BUB1: variants seen among roughly 807,000 people sequenced by gnomAD.
The protein encoded by BUB1 is mitotic checkpoint serine/threonine-protein kinase BUB1.
A neutral mutation model predicts 135.2 loss-of-function variants in BUB1; 84 were observed. That is an observed-to-expected ratio of 0.62 (90% CI 0.52 to 0.74). The LOEUF (loss-of-function observed/expected upper bound fraction) is 0.74. Among genes scored for constraint, BUB1 ranks in the 30% least tolerant of loss-of-function variants. BUB1 has a pLI of 0.00. For missense variants in BUB1, 1,162 were observed against 1,288.3 expected, an observed-to-expected ratio of 0.90 and a Z score of 1.50; for synonymous variants, 403 against 434.4, an observed-to-expected ratio of 0.93 and a Z score of 0.90.
At chr2:110,671,339 C>T (rs950664413) in intron 4 of BUB1, among the ~76,000 whole-genome samples, 1 of 152,042 alleles carries the variant, frequency 6.6e-6, no homozygotes, top group Admixed American at 6.5e-5. Context: ...TGTTATGGAT[C>T]GGCTTTAAAA....
In BUB1 at chr2:110,674,136, T is replaced by C. The variant is rs759691344; in HGVS notation, c.175A>G (p.Lys59Glu). ...LEHLMKEFLD[K>E]KKYHNDPRFI... The stretch of plus-strand genomic sequence containing the variant: ...CTTGGGTCATTGTGGTATTTCTTCT[T>C]ATCTAAAAATTCCTTCATTAAATGT... The change falls in exon 3 of 25, where the codon AAG becomes GAG. Residue 59 changes from lysine (K) to glutamate (E), a missense_variant. Lys to Glu is a moderately conservative substitution (Grantham distance 56, BLOSUM62 1). Transcript: ENST00000302759. The C allele has an allele frequency of 3.8e-6, 6 of 1,569,816 alleles. No homozygotes were observed. The African/African-American group carries it at 5.4e-5, about 14-fold the overall frequency.
chr2:110,660,175 C>T (rs1028515449), intron 10 of BUB1, 139 bp from the exon 11 acceptor site: 5 of 585,628 alleles, frequency 8.5e-6, no homozygotes, highest in Admixed American at 2.8e-5. Context: ...AGTTCGAGAC[C>T]AGCCTGGCCA....
Position 110,648,355 on chromosome 2 carries a change from C to T in BUB1, c.2347+879G>A, listed in dbSNP as rs1009123810. On this transcript the variant is annotated intron_variant, in intron 19 of 24. Transcript: ENST00000302759. This position sits in a 1 kb window ranked among gnomAD's most constrained non-coding sequence, Gnocchi z 4.2. ...TATGGAAAAGGCAAAACTACACAGA[C>T]AGCAAAACAATCAGTGGTTGCCAGG... 2.0e-5 allele frequency among the ~76,000 whole-genome samples: 3 copies of T among 152,076 alleles called. No homozygotes were observed. The highest frequency in any genetic ancestry group is 2.9e-5 in the Non-Finnish European group (2 of 68,010).
intron 9 of BUB1, among the ~76,000 whole-genome samples, chr2:110,665,624 T>C (rs1690228258): frequency 1.3e-5 from 2 of 151,736 alleles, no homozygotes; most frequent in South Asian, 4.1e-4. Context: ...TACATACATA[T>C]ATACAAATGA....
intron 9 of BUB1, chr2:110,662,076 T>C (rs1229229465): frequency 4.1e-6 from 2 of 485,044 alleles, no homozygotes; most frequent in Non-Finnish European, 7.2e-6. Context: ...CAGCAGCTTA[T>C]AATTTCTAAC....
At chr2:110,653,609 G>T in intron 16 of BUB1, 86 bp from the exon 17 acceptor site, 1 of 1,144,716 alleles carries the variant, frequency 8.7e-7, no homozygotes, top group Non-Finnish European at 1.3e-6. Context: ...ACAAAGTCTA[G>T]GATTTCTTTT....
rs760577088 is a variant in BUB1, at chr2:110,650,564, C to T, written c.2185G>A (p.Gly729Arg). The change falls in exon 18 of 25, where the codon GGG becomes AGG. Residue 729 changes from glycine (G) to arginine (R), a missense_variant. By Grantham distance (125) the Gly-to-Arg change is moderately radical (BLOSUM62 -2). Coordinates refer to ENST00000302759, the MANE Select transcript of BUB1 (RefSeq NM_004336.5). ...QAEWMQMSSLGTVDAPNFIVG... is the reference protein window; with the variant it reads ...QAEWMQMSSLRTVDAPNFIVG... ...TTCGTACTTGGAGCATCAACAGTCCCAAGTGAACTCATCTGCATCCATTCT... is the reference window on the plus strand; with the variant it reads ...TTCGTACTTGGAGCATCAACAGTCCTAAGTGAACTCATCTGCATCCATTCT... The T allele has an allele frequency of 2.5e-6, 4 of 1,613,584 alleles. No homozygotes were observed. The Admixed American group carries it at 6.7e-5, about 27-fold the overall frequency.
chr2:110,673,592 T>C (rs1350354213), intron 3 of BUB1, among the ~76,000 whole-genome samples: 1 of 142,222 alleles, frequency 7.0e-6, no homozygotes, highest in Admixed American at 7.0e-5. Context: ...ACTTTTTTTT[T>C]GGTGGGGGAG....
chr2:110,641,758 A>C lies in BUB1; in HGVS notation c.2509T>G (p.Leu837Val). The stretch of plus-strand genomic sequence containing the variant: ...ATAGATGGCTTTAGTCTTTCCATCA[A>C]CTGGGTCCCAATGTAGAATTCCCAG... ...NPWEFYIGTQ[L>V]MERLKPSMQH... The change falls in exon 21 of 25, where the codon TTG becomes GTG. Residue 837 changes from leucine (L) to valine (V), a missense_variant. Transcript: ENST00000302759. The C allele has an allele frequency of 6.2e-7, 1 of 1,609,994 alleles. No homozygotes were observed. The highest frequency in any genetic ancestry group is 8.5e-7 in the Non-Finnish European group (1 of 1,179,946).
rs952924696 is a variant in BUB1, at chr2:110,657,528, T to C, written c.1616+18A>G. On this transcript the variant is annotated intron_variant, in intron 14 of 24. Coordinates refer to ENST00000302759, the MANE Select transcript of BUB1 (RefSeq NM_004336.5). ...GAAAACTCGGCAGCATCCCATTAAC[T>C]AGATGGTATTTTTTTACCCATAATT... 1.3e-6 allele frequency: 2 copies of C among 1,573,312 alleles called. No individual in the cohort carries two copies. Among genetic ancestry groups the C allele is most frequent in the African/African-American group, 2.7e-5 (2 of 73,208 alleles).
intron 19 of BUB1, 83 bp from the exon 20 acceptor site, chr2:110,642,317 TAG>T (rs1268653132): frequency 3.3e-6 from 3 of 912,552 alleles, no homozygotes; most frequent in Non-Finnish European, 5.0e-6. Flanking sequence ...TACAAAGACA[TAG>T]AGTTTTCTGT....
chr2:110,669,125 AT>A (rs1040407291), intron 6 of BUB1, among the ~76,000 whole-genome samples: 1 of 152,196 alleles, frequency 6.6e-6, no homozygotes, highest in Non-Finnish European at 1.5e-5. Flanking sequence ...AGGTGGATCC[AT>A]TCCCAGTAGG....
intron 3 of BUB1, among the ~76,000 whole-genome samples, chr2:110,673,860 A>G (rs1025986046): frequency 6.6e-6 from 1 of 152,136 alleles, no homozygotes; most frequent in African/African-American, 2.4e-5. Context: ...TGGCCTCCCA[A>G]AGTGCTGGGA....
At chr2:110,663,259 G>A (rs1225876157) in intron 9 of BUB1, among the ~76,000 whole-genome samples, 7 of 152,254 alleles carry the variant, frequency 4.6e-5, no homozygotes, top group South Asian at 2.1e-4. Context: ...CAGCCTGGGC[G>A]ATAGTGGGAG....
Position 110,641,125 on chromosome 2 carries a change from A to T in BUB1, c.2864T>A (p.Leu955His), listed in dbSNP as rs749170671. 4.3e-6 allele frequency: 7 copies of T among 1,613,598 alleles called. No homozygotes were observed. Among genetic ancestry groups the T allele is most frequent in the Non-Finnish European group, 5.9e-6 (7 of 1,179,866 alleles). The change falls in exon 23 of 25, where the codon CTT becomes CAT. Residue 955 changes from leucine to histidine, a missense_variant. Leu to His is a moderately conservative substitution (Grantham distance 99). Transcript: ENST00000302759. ...TGTGAATATAGTTCCTTTTGGAAAA[A>T]GTTTCATATCTATACTCTGACCCAG... ...IDLGQSIDMK[L>H]FPKGTIFTAK...
At chr2:110,672,385 G>T (rs1399096186) in intron 4 of BUB1, among the ~76,000 whole-genome samples, 1 of 152,060 alleles carries the variant, frequency 6.6e-6, no homozygotes, top group Non-Finnish European at 1.5e-5. Context: ...GTATTTCTTT[G>T]TATGTATAAC....
rs368495837 is a variant in BUB1, at chr2:110,658,761, C to CA, written c.1277-20dup. ...TCACACCCTAGCAAAGAAATGGAGA[C>CA]AAAATGTGGTATCAGTAGGGAAATC... is the stretch of plus-strand genomic sequence containing the variant. On this transcript the variant is annotated intron_variant, in intron 11 of 24. Transcript: ENST00000302759. 1.6e-3 allele frequency: 2,649 copies of CA among 1,613,688 alleles called. 52 individuals are homozygous for CA. In the South Asian group the frequency reaches 0.027, roughly 16 times the overall value.
intron 9 of BUB1, among the ~76,000 whole-genome samples, chr2:110,664,646 T>G (rs923172133): frequency 1.4e-5 from 2 of 146,164 alleles, no homozygotes; most frequent in Non-Finnish European, 1.5e-5. Context: ...TAAGGAGAGA[T>G]AACGACATGG....
At chr2:110,674,597 C>T (rs1211241669) in intron 1 of BUB1, among the ~76,000 whole-genome samples, 1 of 152,204 alleles carries the variant, frequency 6.6e-6, no homozygotes, top group Non-Finnish European at 1.5e-5. Context: ...AACTCAGAAG[C>T]AGCCAGTGTT....
Sources: allele counts gnomAD v4.1 joint callset (sites outside exome capture counted in the v4.1 genomes callset), GRCh38; gene constraint gnomAD v4.1.1; non-coding constraint Gnocchi (gnomAD v3.1); transcripts MANE v1.5; gene names NCBI Gene and HGNC (gene_info 2026-07-23, HGNC 2026-07-21).